The following REV3L variants were observed in gnomAD, a reference collection of about 807,000 sequenced individuals.
REV3L encodes DNA polymerase zeta catalytic subunit.
Under a neutral mutation model 299.4 loss-of-function variants are expected in REV3L, and 69 were observed. The ratio of observed to expected loss-of-function variants is 0.23; its 90% confidence interval spans 0.19 to 0.28. The LOEUF is 0.28. Among genes scored for constraint, REV3L ranks in the 10% least tolerant of loss-of-function variants. The pLI, the probability that REV3L is intolerant of heterozygous loss-of-function variation, is 1.00. For synonymous variants in REV3L, 1,238 were observed against 1,271.4 expected (o/e 0.97, Z 0.56); for missense variants, 3,128 against 3,693.8 (o/e 0.85, Z 3.97).
rs1187391571 is a variant in REV3L, at chr6:111,329,107, G to A, written c.8241+425C>T. On this transcript the variant is annotated intron_variant, in intron 25 of 31. Transcript: ENST00000368802. Reference sequence around the variant, plus strand: ...CGCCCAGGCTGGAGTGCAATGGCGCGATCTTGGCTCACTGCAACCTCTGCC... The same window carrying A: ...CGCCCAGGCTGGAGTGCAATGGCGCAATCTTGGCTCACTGCAACCTCTGCC... Among the ~76,000 whole-genome samples the A allele has an allele frequency of 2.6e-5, 4 of 151,474 alleles. No individual in the cohort carries two copies. In the South Asian group the frequency reaches 6.3e-4, roughly 24 times the overall value.
Position 111,329,747 on chromosome 6 carries a change from A to C in REV3L, c.8035-9T>G. On this transcript the variant is annotated splice_polypyrimidine_tract_variant and intron_variant, in intron 24 of 31. Transcript: ENST00000368802. ...CCTTTTCTTACTGAAGGCTATCATA[A>C]AGAAAAAAAATGTTTAAAACCCCTC... The C allele has an allele frequency of 6.2e-7, 1 of 1,605,310 alleles. No homozygotes were observed.
Position 111,367,967 on chromosome 6 carries a change from C to T in REV3L, c.5821G>A (p.Glu1941Lys), listed in dbSNP as rs1268074496. 3 of 1,613,668 alleles carry T rather than the reference C, an allele frequency of 1.9e-6. No homozygotes were observed. Among genetic ancestry groups the T allele is most frequent in the Non-Finnish European group, 2.5e-6 (3 of 1,179,846 alleles). The change falls in exon 14 of 32, where the codon GAG (glutamate) becomes AAG (lysine). Residue 1941 changes from glutamate (E) to lysine (K), a missense_variant. Physicochemically the swap from Glu to Lys is moderately conservative, Grantham distance 56. Coordinates refer to ENST00000368802, the MANE Select transcript of REV3L (RefSeq NM_001372078.1). Reference protein sequence around the residue: ...TRLANDLAEFEGDFSLEGLRL... With the variant: ...TRLANDLAEFKGDFSLEGLRL... The stretch of plus-strand genomic sequence containing the variant: ...AGTCCTTCCAAGGAAAAGTCTCCCT[C>T]AAACTCAGCCAGATCATTTGCAAGT...
At chr6:111,393,042 ATTTT>A in intron 4 of REV3L, 70 bp from the exon 5 acceptor site, 1 of 887,460 alleles carries the variant, frequency 1.1e-6, no homozygotes, top group Non-Finnish European at 1.7e-6. Flanking sequence ...TAGAAGGTAA[ATTTT>A]TTTTTTTTTG....
chr6:111,349,651 C>T (rs1163623675), intron 19 of REV3L, among the ~76,000 whole-genome samples: 2 of 152,178 alleles, frequency 1.3e-5, no homozygotes, highest in Non-Finnish European at 2.9e-5. Context: ...ACTACAGCCT[C>T]AAACTCCTGG....
chr6:111,373,172 A>G lies in REV3L; in HGVS notation c.5183T>C (p.Phe1728Ser). The part of the protein sequence containing the change: ...IRSGTLSPEI[F>S]EKSTIDSNEN... The stretch of plus-strand genomic sequence containing the variant: ...ATTGCTATCTATGGTTGACTTCTCA[A>G]AAATTTCAGGACTTAAAGTACCAGA... Residue 1728 changes from phenylalanine (F) to serine (S), a missense_variant, in exon 13 of 32, where the codon TTT becomes TCT. Physicochemically the swap from Phe to Ser is radical, Grantham distance 155 (BLOSUM62 -2). Coordinates refer to ENST00000368802, the MANE Select transcript of REV3L (RefSeq NM_001372078.1). 6.2e-7 allele frequency: 1 copy of G among 1,614,188 alleles called. No homozygotes were observed. The highest frequency in any genetic ancestry group is 8.5e-7 in the Non-Finnish European group (1 of 1,180,014).
At chr6:111,453,578 C>A (rs1789804438) in intron 1 of REV3L, among the ~76,000 whole-genome samples, 1 of 152,194 alleles carries the variant, frequency 6.6e-6, no homozygotes, top group Non-Finnish European at 1.5e-5. Context: ...TACTGCCTCT[C>A]TTTTACCACT....
intron 9 of REV3L, among the ~76,000 whole-genome samples, chr6:111,383,533 A>C (rs1004014903): frequency 7.2e-5 from 11 of 152,236 alleles, no homozygotes; most frequent in African/African-American, 2.4e-4. Flanking sequence ...TAAGATACTT[A>C]GGAATAAACT....
chr6:111,406,813 G>T (rs1783675978), intron 3 of REV3L, among the ~76,000 whole-genome samples: 1 of 152,096 alleles, frequency 6.6e-6, no homozygotes, highest in Admixed American at 6.5e-5. Flanking sequence ...TATTGGAAAT[G>T]AATCATAAAG....
intron 23 of REV3L, among the ~76,000 whole-genome samples, chr6:111,332,181 C>A (rs997238001): frequency 1.3e-5 from 2 of 152,122 alleles, no homozygotes; most frequent in Non-Finnish European, 2.9e-5. Context: ...ATGCCATTCT[C>A]CTGCCTCAGC....
intron 25 of REV3L, among the ~76,000 whole-genome samples, chr6:111,327,299 G>A (rs777112953): frequency 5.3e-5 from 8 of 152,230 alleles, no homozygotes; most frequent in Non-Finnish European, 1.2e-4. Flanking sequence ...AAGCATGGTC[G>A]CTCACACCTG....
chr6:111,335,168 CAAAA>C (rs1163201758), intron 22 of REV3L, among the ~76,000 whole-genome samples: 1 of 151,928 alleles, frequency 6.6e-6, no homozygotes, highest in Admixed American at 6.6e-5. Flanking sequence ...AAATGTAAAA[CAAAA>C]GAAAGGTACT....
intron 10 of REV3L, 44 bp downstream of exon 10, chr6:111,381,281 T>G: frequency 6.3e-7 from 1 of 1,597,510 alleles, no homozygotes; most frequent in Non-Finnish European, 8.5e-7. Flanking sequence ...ACACATTTTC[T>G]CTGAATTACA....
chr6:111,450,399 A>C (rs1176086307), intron 1 of REV3L, among the ~76,000 whole-genome samples: 1 of 140,418 alleles, frequency 7.1e-6, no homozygotes, highest in African/African-American at 2.6e-5. Flanking sequence ...GGACTGCTTG[A>C]GCCCAGGAAT....
intron 1 of REV3L, among the ~76,000 whole-genome samples, chr6:111,427,214 T>C (rs899608915): frequency 1.5e-4 from 23 of 152,170 alleles, no homozygotes; most frequent in Admixed American, 1.4e-3. Context: ...TATATGCAAG[T>C]CTAGTAAATT....
At chr6:111,468,768 T>C (rs1791823013) in intron 1 of REV3L, among the ~76,000 whole-genome samples, 1 of 152,160 alleles carries the variant, frequency 6.6e-6, no homozygotes, top group Non-Finnish European at 1.5e-5. Flanking sequence ...TTTAGCCTGG[T>C]GTGGGCTGTT....
chr6:111,409,109 T>C (rs1004871569), intron 3 of REV3L, among the ~76,000 whole-genome samples: 1 of 152,258 alleles, frequency 6.6e-6, no homozygotes, highest in Non-Finnish European at 1.5e-5. Flanking sequence ...TACAAATCCT[T>C]GTTTTTACAG....
rs529412678 is a variant in REV3L, at chr6:111,319,176, T to A, written c.8351+3393A>T. The stretch of plus-strand genomic sequence containing the variant: ...CATATACTTTACATCTTAAAAGTTA[T>A]TATTGGCTGGGTGCGGTGGCTCATG... On this transcript the variant is annotated intron_variant, in intron 26 of 31. Coordinates refer to ENST00000368802, the MANE Select transcript of REV3L (RefSeq NM_001372078.1). Among the ~76,000 whole-genome samples the A allele has an allele frequency of 3.3e-5, 5 of 152,244 alleles. No individual in the cohort carries two copies. In the East Asian group the frequency reaches 9.7e-4, roughly 29 times the overall value.
chr6:111,377,852 C>T lies in REV3L; in HGVS notation c.1455-9G>A, dbSNP rs1780464385. 1 of 1,601,060 alleles carries T rather than the reference C, an allele frequency of 6.2e-7. No individual in the cohort carries two copies. Among genetic ancestry groups the T allele is most frequent in the South Asian group, 1.1e-5 (1 of 88,224 alleles). ...TATTTCTGCACAGTGATCTGGAGAA[C>T]ATTAAAATTCACTGGTGAGCATGAT... On this transcript the variant is annotated splice_polypyrimidine_tract_variant and intron_variant, in intron 11 of 31. Transcript: ENST00000368802.
chr6:111,301,788 A>G (rs1031265948), intron 31 of REV3L, among the ~76,000 whole-genome samples: 12 of 152,240 alleles, frequency 7.9e-5, no homozygotes, highest in African/African-American at 2.4e-4. Flanking sequence ...AATTTTTAAA[A>G]ATACTTTAAA....
Sources: allele counts gnomAD v4.1 joint callset (sites outside exome capture counted in the v4.1 genomes callset), GRCh38; gene constraint gnomAD v4.1.1; transcripts MANE v1.5; gene names NCBI Gene and HGNC (gene_info 2026-07-23, HGNC 2026-07-21).